SS18L1: variants seen among roughly 807,000 people sequenced by gnomAD.
SS18L1 encodes the protein calcium-responsive transactivator.
SS18L1 carries 32 observed loss-of-function variants against 70.3 expected under a neutral mutation model. The ratio of observed to expected loss-of-function variants is 0.46; its 90% CI spans 0.34 to 0.61. The LOEUF (loss-of-function observed/expected upper bound fraction) is 0.61. Among genes scored for constraint, SS18L1 ranks in the 20% least tolerant of loss-of-function variants. SS18L1 has a pLI of 0.01. For synonymous variants in SS18L1, 237 were observed against 229.7 expected, an observed-to-expected ratio of 1.03 and a Z score of -0.29; for missense variants, 430 against 542.1, an observed-to-expected ratio of 0.79 and a Z score of 2.05.
chr20:62,154,655 G>T (rs955175753), intron 1 of SS18L1, among the ~76,000 whole-genome samples: 26 of 152,218 alleles, frequency 1.7e-4, no homozygotes, highest in African/African-American at 6.3e-4. Context: ...GGAATCCACT[G>T]TCCTTCACGT....
intron 10 of SS18L1, among the ~76,000 whole-genome samples, chr20:62,177,918 C>T (rs575322241): frequency 2.6e-5 from 4 of 151,612 alleles, no homozygotes; most frequent in African/African-American, 7.3e-5. Flanking sequence ...GACAGGGTTT[C>T]GCCATGTTGG....
Position 62,174,137 on chromosome 20 carries a change from C to G in SS18L1, c.1037-380C>G, listed in dbSNP as rs1601055632. On this transcript the variant is annotated intron_variant, in intron 9 of 10. Transcript: ENST00000331758. This position sits in a 1 kb window ranked among gnomAD's most constrained non-coding sequence, Gnocchi z 4.1. ...GTTTTCAGCAGCTCCCGTGGTAGTT[C>G]AGTGACAAGTTACAGCAGCCAGTGT... Among the ~76,000 whole-genome samples the G allele has an allele frequency of 3.3e-5, 5 of 152,236 alleles. No individual in the cohort carries two copies. Among genetic ancestry groups the G allele is most frequent in the African/African-American group, 1.2e-4 (5 of 41,534 alleles).
chr20:62,144,457 T>A (rs1288787487), intron 1 of SS18L1, among the ~76,000 whole-genome samples: 1 of 152,210 alleles, frequency 6.6e-6, no homozygotes, highest in Non-Finnish European at 1.5e-5. Context: ...GCGCGAACGA[T>A]GGAGGCACGG....
chr20:62,147,150 C>T (rs2057045332), intron 1 of SS18L1, among the ~76,000 whole-genome samples: 1 of 152,074 alleles, frequency 6.6e-6, no homozygotes, highest in African/African-American at 2.4e-5. Flanking sequence ...ACAGAGGGTC[C>T]CGAGCCTGGC....
intron 8 of SS18L1, among the ~76,000 whole-genome samples, chr20:62,168,656 TA>T (rs1242242209): frequency 1.3e-5 from 2 of 151,942 alleles, no homozygotes; most frequent in African/African-American, 2.4e-5. Context: ...CCCTCTCTAC[TA>T]AAAAACATTA....
At chr20:62,151,859 C>CACTCCCCA (rs2057136921) in intron 1 of SS18L1, among the ~76,000 whole-genome samples, 3 of 143,228 alleles carry the variant, frequency 2.1e-5, no homozygotes, top group African/African-American at 7.9e-5. Context: ...CCTCTTTTCC[C>CACTCCCCA]GCTCCCCAGA....
intron 8 of SS18L1, among the ~76,000 whole-genome samples, chr20:62,166,364 G>A (rs2057431883): frequency 6.6e-6 from 1 of 152,236 alleles, no homozygotes; most frequent in Non-Finnish European, 1.5e-5. Flanking sequence ...CAGTGTTGGT[G>A]AGGCTTCACC....
At chr20:62,149,070 C>G (rs904113520) in intron 1 of SS18L1, among the ~76,000 whole-genome samples, 1 of 152,220 alleles carries the variant, frequency 6.6e-6, no homozygotes, top group Non-Finnish European at 1.5e-5. Context: ...GCCAGTGGGT[C>G]GGGGCCTGGG....
chr20:62,177,941 C>T (rs1018093195), intron 10 of SS18L1, among the ~76,000 whole-genome samples: 1 of 150,578 alleles, frequency 6.6e-6, no homozygotes, highest in Non-Finnish European at 1.5e-5. Flanking sequence ...AGGGTGGTCT[C>T]GAGCTCCTGA....
rs769555078 is a variant in SS18L1, at chr20:62,165,526, G to A, written c.916+12G>A. 22 of 1,602,344 alleles carry A rather than the reference G, an allele frequency of 1.4e-5. No homozygotes were observed. In the East Asian group the frequency reaches 2.9e-4, roughly 21 times the overall value. On this transcript the variant is annotated intron_variant, in intron 8 of 10. Transcript: ENST00000331758. ...CTACTATGAGGGGGGTAAGGAGCAC[G>A]GCTGCGTGCTGGGCTCGAGCGTAAG...
Position 62,158,533 on chromosome 20 carries a change from TG to T in SS18L1, c.70-137del. On this transcript the variant is annotated intron_variant, in intron 1 of 10. Transcript: ENST00000331758. This position sits in a 1 kb window ranked among gnomAD's most constrained non-coding sequence, Gnocchi z 4.5. ...GGTCTAATACAGATATCCCCAAATC[TG>T]GAAAAATCTGAAATCTGACACGTTT... The T allele has an allele frequency of 7.2e-7, 1 of 1,395,142 alleles. No individual in the cohort carries two copies. Among genetic ancestry groups the T allele is most frequent in the Non-Finnish European group, 9.6e-7 (1 of 1,040,098 alleles). 86.4% of individuals were successfully genotyped at this position (1,395,142 alleles called of 1,614,324 possible).
At chr20:62,163,078 C>T in intron 5 of SS18L1, 147 bp downstream of exon 5, 1 of 1,088,516 alleles carries the variant, frequency 9.2e-7, no homozygotes, top group Non-Finnish European at 1.3e-6. Flanking sequence ...CTGGCCGCTG[C>T]CTCTGAGAGC....
rs2057691407 is a variant in SS18L1 at position 62,180,594 on chromosome 20, G to C, written c.*1386G>C. On this transcript the variant is annotated 3_prime_UTR_variant, in exon 11 of 11. Transcript: ENST00000331758. The stretch of plus-strand genomic sequence containing the variant: ...GATATTTCTCTTTAATTGATGTTTT[G>C]TTTTAAAAGTTAAAAGTAATTCTTG... The C allele has an allele frequency of 5.7e-6, 1 of 175,362 alleles. No individual in the cohort carries two copies. Among genetic ancestry groups the C allele is most frequent in the African/African-American group, 2.4e-5 (1 of 42,170 alleles). 10.9% of individuals were successfully genotyped at this position (175,362 alleles called of 1,614,324 possible).
At chr20:62,167,364 G>A (rs1302367483) in intron 8 of SS18L1, among the ~76,000 whole-genome samples, 2 of 149,406 alleles carry the variant, frequency 1.3e-5, no homozygotes, top group African/African-American at 2.5e-5. Flanking sequence ...TTTGAGGCCA[G>A]CATGGGCAAC....
Position 62,161,297 on chromosome 20 carries a change from C to T in SS18L1, c.232-139C>T. The T allele has an allele frequency of 8.2e-7, 1 of 1,219,398 alleles. No individual in the cohort carries two copies. The highest frequency in any genetic ancestry group is 1.2e-6 in the Non-Finnish European group (1 of 845,290). The allele number at this position is 1,219,398 out of a possible 1,614,324, so 75.5% of individuals were successfully genotyped here. On this transcript the variant is annotated intron_variant, in intron 3 of 10. Transcript: ENST00000331758. The surrounding 1 kb of genome is among the most constrained non-coding windows in gnomAD (Gnocchi z 4.4). ...TGCGGTCACCTGGCTGTGACGATGGCTGCTGATTACGAACATTGACCAGGT... is the reference window on the plus strand; with the variant it reads ...TGCGGTCACCTGGCTGTGACGATGGTTGCTGATTACGAACATTGACCAGGT...
chr20:62,162,264 C>G (rs187145015), intron 4 of SS18L1, among the ~76,000 whole-genome samples: 1 of 152,230 alleles, frequency 6.6e-6, no homozygotes, highest in Admixed American at 6.5e-5. Context: ...ATAAACGATT[C>G]ATCCTGTGCT....
intron 1 of SS18L1, among the ~76,000 whole-genome samples, chr20:62,156,070 G>A (rs2057216868): frequency 6.6e-6 from 1 of 150,964 alleles, no homozygotes; most frequent in Non-Finnish European, 1.5e-5. Context: ...GCTTCGTCGT[G>A]CGTACATAAA....
In SS18L1 at chr20:62,143,845, C is replaced by T. The variant is rs148870250; in HGVS notation, c.25C>T (p.Arg9Trp). MSVAFASA[R>W]PRGKGEVTQQ... The stretch of plus-strand genomic sequence containing the variant: ...CATGTCCGTGGCCTTCGCGTCTGCC[C>T]GGCCAAGAGGCAAAGGGGAGGTTAC... Residue 9 changes from arginine to tryptophan, a missense_variant, in exon 1 of 11, where the codon CGG becomes TGG. Physicochemically the swap from Arg to Trp is moderately radical, Grantham distance 101. Coordinates refer to ENST00000331758, the MANE Select transcript of SS18L1 (RefSeq NM_198935.3). 2 of 1,327,428 alleles carry T rather than the reference C, an allele frequency of 1.5e-6. No homozygotes were observed. Among genetic ancestry groups the T allele is most frequent in the Non-Finnish European group, 2.0e-6 (2 of 1,008,374 alleles). The allele number at this position is 1,327,428 out of a possible 1,614,324, so 82.2% of individuals were successfully genotyped here.
intron 1 of SS18L1, among the ~76,000 whole-genome samples, chr20:62,149,133 G>C (rs1425185544): frequency 1.3e-5 from 2 of 152,252 alleles, no homozygotes; most frequent in Admixed American, 6.5e-5. Context: ...GAATCCCCGG[G>C]CTGCAGGTGG....
Sources: gnomAD v4.1 joint callset for allele counts (sites outside exome capture counted in the v4.1 genomes callset) on GRCh38, gnomAD v4.1.1 for gene constraint, Gnocchi (gnomAD v3.1) non-coding constraint, MANE v1.5 for transcripts, NCBI Gene and HGNC (gene_info 2026-07-23, HGNC 2026-07-21) for gene names.